Variants in AGMO observed in about 807,000 individuals in gnomAD.
AGMO encodes alkylglycerol monooxygenase.
AGMO carries 75 observed loss-of-function variants against 60.2 expected under a neutral mutation model. The ratio of observed to expected loss-of-function variants is 1.25; its 90% CI spans 1.03 to 1.51. AGMO has a LOEUF of 1.51. Among genes scored for constraint, AGMO ranks in the 40% most tolerant of loss-of-function variants. The pLI is 0.00. For synonymous variants in AGMO, 261 were observed against 177.1 expected (o/e 1.47, Z -3.76); for missense variants, 763 against 525.5 (o/e 1.45, Z -4.42).
chr7:15,394,065 A>C (rs1469689515), intron 6 of AGMO, 48 bp downstream of exon 6: 2 of 1,397,164 alleles, frequency 1.4e-6, no homozygotes, highest in Non-Finnish European at 2.0e-6. Context: ...ATAATAATGC[A>C]ATTTTTAGAG....
chr7:15,530,974 CTA>C (rs1784302325), intron 3 of AGMO, among the ~76,000 whole-genome samples: 1 of 107,068 alleles, frequency 9.3e-6, no homozygotes, highest in Admixed American at 1.3e-4. Context: ...TATATATATT[CTA>C]TATGTATATT....
rs903275176 is a variant in AGMO, at chr7:15,394,303, A to T, written c.610-124T>A. 7 of 744,136 alleles carry T rather than the reference A, an allele frequency of 9.4e-6. No homozygotes were observed. In the African/African-American group the frequency reaches 1.2e-4, roughly 13 times the overall value. 46.1% of individuals were successfully genotyped at this position (744,136 alleles called of 1,614,324 possible). A position where few individuals can be genotyped will look rare whatever the true frequency, so the allele number is the denominator to read the frequency against. On this transcript the variant is annotated intron_variant, in intron 5 of 12. Coordinates refer to ENST00000342526, the MANE Select transcript of AGMO (RefSeq NM_001004320.2). ...TTGCGAATTTCAGGGTTGGTATCAGAGAGTGGAAAAAAGTTCCACTGAAAT... is the reference window on the plus strand; with the variant it reads ...TTGCGAATTTCAGGGTTGGTATCAGTGAGTGGAAAAAAGTTCCACTGAAAT...
chr7:15,338,433 CTGTTTT>C (rs1431539810), intron 12 of AGMO, among the ~76,000 whole-genome samples: 1 of 149,406 alleles, frequency 6.7e-6, no homozygotes, highest in Non-Finnish European at 1.5e-5. Flanking sequence ...AGATAAGTTT[CTGTTTT>C]TGAGATTTGG....
At chr7:15,530,357 ATATATATATTCTATATACGTATTTC>A (rs1160025854) in intron 3 of AGMO, among the ~76,000 whole-genome samples, 1 of 121,634 alleles carries the variant, frequency 8.2e-6, no homozygotes, top group Non-Finnish European at 1.6e-5. Context: ...ACGTATTTCT[ATATATATATTCTATATACGTATTTC>A]TATATATATT....
chr7:15,372,935 G>A (rs149232349), intron 10 of AGMO, among the ~76,000 whole-genome samples: 49 of 152,234 alleles, frequency 3.2e-4, no homozygotes, highest in African/African-American at 9.1e-4. Context: ...ATAGCTTTAT[G>A]AGGCAATAAA....
At chr7:15,519,771 G>A (rs566174187) in intron 3 of AGMO, among the ~76,000 whole-genome samples, 78 of 152,128 alleles carry the variant, frequency 5.1e-4, no homozygotes, top group Non-Finnish European at 2.5e-4. Context: ...TAACCAGCTA[G>A]TATCATAATG....
At chr7:15,540,608 T>C (rs900531081) in intron 3 of AGMO, among the ~76,000 whole-genome samples, 1 of 152,092 alleles carries the variant, frequency 6.6e-6, no homozygotes, top group Non-Finnish European at 1.5e-5. Context: ...CAAAGAAGAA[T>C]AGATTTGGAT....
intron 12 of AGMO, among the ~76,000 whole-genome samples, chr7:15,288,649 T>C (rs1320841217): frequency 6.6e-6 from 1 of 151,936 alleles, no homozygotes; most frequent in African/African-American, 2.4e-5. Context: ...TCTTATGCCT[T>C]TATAAAGATT....
chr7:15,442,846 A>G (rs1342438287), intron 3 of AGMO, among the ~76,000 whole-genome samples: 1 of 152,120 alleles, frequency 6.6e-6, no homozygotes, highest in Non-Finnish European at 1.5e-5. Context: ...ATCGAGAGGA[A>G]CACACAAGTG....
intron 12 of AGMO, among the ~76,000 whole-genome samples, chr7:15,240,996 C>T (rs886365116): frequency 6.6e-6 from 1 of 152,064 alleles, no homozygotes; most frequent in African/African-American, 2.4e-5. Context: ...TCCATTTTAT[C>T]AGCTGGATCT....
chr7:15,414,874 T>C (rs1780712799), intron 5 of AGMO, among the ~76,000 whole-genome samples: 1 of 152,126 alleles, frequency 6.6e-6, no homozygotes, highest in Admixed American at 6.5e-5. Context: ...CAACAAGTCA[T>C]CACGGACATC....
the AGMO span, among the ~76,000 whole-genome samples, chr7:15,165,876 G>T: frequency 6.6e-6 from 1 of 151,878 alleles, no homozygotes; most frequent in Admixed American, 6.6e-5. Flanking sequence ...TCCATAGTAA[G>T]GAATTAATTG....
chr7:15,217,301 C>A (rs1156854487), intron 12 of AGMO, among the ~76,000 whole-genome samples: 3 of 152,040 alleles, frequency 2.0e-5, no homozygotes, highest in Non-Finnish European at 4.4e-5. Context: ...ACAATCTCAA[C>A]TGAGGAGGAG....
intron 10 of AGMO, among the ~76,000 whole-genome samples, chr7:15,384,029 A>G (rs898550064): frequency 2.6e-5 from 4 of 151,768 alleles, no homozygotes; most frequent in South Asian, 2.1e-4. Flanking sequence ...TCTGCCTCCC[A>G]GGTTCACGTC....
chr7:15,122,686 A>G, the AGMO span, among the ~76,000 whole-genome samples: 1 of 152,098 alleles, frequency 6.6e-6, no homozygotes, highest in African/African-American at 2.4e-5. Context: ...TCTAACAGTC[A>G]CATCCATTCT....
chr7:15,268,837 G>A (rs1282737803), intron 12 of AGMO, among the ~76,000 whole-genome samples: 1 of 146,358 alleles, frequency 6.8e-6, no homozygotes, highest in African/African-American at 2.8e-5. Context: ...TGACTTGTTA[G>A]ATTATTTTCT....
At chr7:15,535,190 G>A (rs1023895911) in intron 3 of AGMO, among the ~76,000 whole-genome samples, 1 of 151,762 alleles carries the variant, frequency 6.6e-6, no homozygotes, top group South Asian at 2.1e-4. Flanking sequence ...TATTTACAGA[G>A]CCTGTCTCTC....
intron 10 of AGMO, among the ~76,000 whole-genome samples, chr7:15,367,513 A>G (rs1783034350): frequency 6.6e-6 from 1 of 152,104 alleles, no homozygotes; most frequent in Non-Finnish European, 1.5e-5. Flanking sequence ...TTTTTCCATC[A>G]TTACACAGAA....
rs796988338 is a variant in AGMO at position 15,320,151 on chromosome 7, T to C, written c.1263+45363A>G. 2.4e-4 allele frequency among the ~76,000 whole-genome samples: 37 copies of C among 151,854 alleles called. 1 individual carries two copies. Among genetic ancestry groups the C allele is most frequent in the African/African-American group, 8.9e-4 (37 of 41,354 alleles). ...GGGGAAGGGATAGCATTGGGAGATA[T>C]ACCTAATGTAAATGACGAGTTAATG... On this transcript the variant is annotated intron_variant, in intron 12 of 12. Coordinates refer to ENST00000342526, the MANE Select transcript of AGMO (RefSeq NM_001004320.2).
Sources: allele counts gnomAD v4.1 joint callset (sites outside exome capture counted in the v4.1 genomes callset), GRCh38; gene constraint gnomAD v4.1.1; transcripts MANE v1.5; gene names NCBI Gene and HGNC (gene_info 2026-07-23, HGNC 2026-07-21).